Variants in CLCA1 observed in about 807,000 individuals in gnomAD.
CLCA1 encodes chloride channel accessory 1.
CLCA1 carries 59 observed loss-of-function variants against 85.6 expected under a neutral mutation model. The ratio of observed to expected loss-of-function variants is 0.69; its 90% confidence interval spans 0.56 to 0.86. The LOEUF (loss-of-function observed/expected upper bound fraction) is 0.86. CLCA1 is among the 40% of genes least tolerant of loss of function. CLCA1 has a pLI of 0.00. For synonymous variants in CLCA1, 396 were observed against 398.3 expected, an observed-to-expected ratio of 0.99 and a Z score of 0.07; for missense variants, 1,022 against 1,101.4, an observed-to-expected ratio of 0.93 and a Z score of 1.02.
Position 86,499,901 on chromosome 1 carries a change from T to C in CLCA1, c.2601T>C (p.Pro867=), listed in dbSNP as rs2101751649. The C allele has an allele frequency of 6.2e-7, 1 of 1,614,122 alleles. No homozygotes were observed. The highest frequency in any genetic ancestry group is 2.2e-5 in the East Asian group (1 of 44,878). The change falls in exon 14 of 14, where the codon CCT becomes CCC. Residue 867 remains proline, a synonymous_variant. Coordinates refer to ENST00000394711, the MANE Select transcript of CLCA1 (RefSeq NM_001285.4). The stretch of plus-strand genomic sequence containing the variant: ...TTGCACGAGTATCTTTGTTTATTCC[T>C]CCACAGACTCCGCCAGAGACACCTA... The part of the protein sequence containing the change: ...SNIARVSLFI[P]PQTPPETPSP...
In CLCA1 at chr1:86,473,763, G is replaced by T. The variant is rs763115333; in HGVS notation, c.338G>T (p.Gly113Val). The change falls in exon 3 of 14, where the codon GGT becomes GTT. Residue 113 changes from glycine to valine, a missense_variant. By Grantham distance (109) the Gly-to-Val change is moderately radical. Coordinates refer to ENST00000394711, the MANE Select transcript of CLCA1 (RefSeq NM_001285.4). Reference sequence around the variant, plus strand: ...CTGGTTGCTGAGTCTACTCCTCCAGGTAATGATGAACCCTACACTGAGCAG... The same window carrying T: ...CTGGTTGCTGAGTCTACTCCTCCAGTTAATGATGAACCCTACACTGAGCAG... ...DVLVAESTPPGNDEPYTEQMG... is the reference protein window; with the variant it reads ...DVLVAESTPPVNDEPYTEQMG... 1.2e-6 allele frequency: 2 copies of T among 1,600,102 alleles called. No homozygotes were observed. Among genetic ancestry groups the T allele is most frequent in the Non-Finnish European group, 8.5e-7 (1 of 1,173,012 alleles).
At chr1:86,475,019 G>A (rs1198982578) in intron 3 of CLCA1, among the ~76,000 whole-genome samples, 2 of 152,040 alleles carry the variant, frequency 1.3e-5, no homozygotes, top group African/African-American at 4.8e-5. Flanking sequence ...CTGGTCAAAA[G>A]GATGTGTCAA....
rs140953339 is a variant in CLCA1, at chr1:86,486,627, T to A, written c.1056T>A (p.Ala352=). ...TTGGGATGGTGACATTTGACAGTGC[T>A]GCCCATGTACAAAATGAACTCATAC... ...SWVGMVTFDS[A]AHVQNELIQI... The change falls in exon 7 of 14, where the codon GCT becomes GCA. Residue 352 remains alanine, a synonymous_variant. Transcript: ENST00000394711. The A allele has an allele frequency of 5.6e-6, 9 of 1,614,094 alleles. No homozygotes were observed. The highest frequency in any genetic ancestry group is 7.6e-6 in the Non-Finnish European group (9 of 1,180,042).
intron 3 of CLCA1, among the ~76,000 whole-genome samples, 173 bp from the exon 4 acceptor site, chr1:86,476,275 G>C (rs1317829820): frequency 6.6e-6 from 1 of 152,164 alleles, no homozygotes; most frequent in Non-Finnish European, 1.5e-5. Context: ...GCCAAAATAA[G>C]TATTTATATT....
intron 12 of CLCA1, among the ~76,000 whole-genome samples, chr1:86,497,969 C>T (rs1648337854): frequency 1.3e-5 from 2 of 152,018 alleles, no homozygotes; most frequent in African/African-American, 4.8e-5. Context: ...ATGGTGAAAC[C>T]CCATGTCTAC....
intron 3 of CLCA1, among the ~76,000 whole-genome samples, chr1:86,474,414 C>T (rs1647587550): frequency 1.3e-5 from 2 of 152,048 alleles, no homozygotes; most frequent in African/African-American, 2.4e-5. Context: ...ATTAGCCGGG[C>T]GTGGTGGCGG....
intron 10 of CLCA1, 139 bp from the exon 11 acceptor site, chr1:86,494,048 G>A: frequency 6.5e-6 from 6 of 921,508 alleles, no homozygotes; most frequent in Non-Finnish European, 9.7e-6. Context: ...GTGGCTGACA[G>A]AGTATCAAAC....
Position 86,494,254 on chromosome 1 carries a change from C to A in CLCA1, c.1748C>A (p.Ala583Glu), listed in dbSNP as rs775843453. 1.2e-6 allele frequency: 2 copies of A among 1,614,054 alleles called. No homozygotes were observed. Among genetic ancestry groups the A allele is most frequent in the Non-Finnish European group, 1.7e-6 (2 of 1,180,028 alleles). The stretch of plus-strand genomic sequence containing the variant: ...TTGACCCTGACTGTCACGTCCCGTG[C>A]GTCCAATGCTACCCTGCCTCCAATT... Reference protein sequence around the residue: ...QTLTLTVTSRASNATLPPITV... With the variant: ...QTLTLTVTSRESNATLPPITV... The change falls in exon 11 of 14, where the codon GCG (alanine) becomes GAG (glutamate). Residue 583 changes from alanine to glutamate, a missense_variant. Coordinates refer to ENST00000394711, the MANE Select transcript of CLCA1 (RefSeq NM_001285.4).
At chr1:86,471,972 C>G in intron 1 of CLCA1, among the ~76,000 whole-genome samples, 1 of 152,014 alleles carries the variant, frequency 6.6e-6, no homozygotes. Flanking sequence ...TCACTCTGGT[C>G]TGTTCCCGCA....
At chr1:86,498,536 G>T in intron 12 of CLCA1, 36 bp from the exon 13 acceptor site, 1 of 1,600,378 alleles carries the variant, frequency 6.2e-7, no homozygotes, top group Non-Finnish European at 8.5e-7. Flanking sequence ...ATTTAGTGAT[G>T]TTGCTTACCA....
rs111946999 is a variant in CLCA1, at chr1:86,493,125, C to T, written c.1465-259C>T. On this transcript the variant is annotated intron_variant, in intron 9 of 13. Coordinates refer to ENST00000394711, the MANE Select transcript of CLCA1 (RefSeq NM_001285.4). ...AGCCTTCTAGGAAAACTAAAGAGTA[C>T]GATAATAAAGTCAAAGAGTCAGGGA... Among the ~76,000 whole-genome samples, 804 of 150,468 alleles carry T rather than the reference C, an allele frequency of 5.3e-3. 5 individuals carry two copies. The highest frequency in any genetic ancestry group is 0.018 in the African/African-American group (724 of 40,788).
rs1648061244 is a variant in CLCA1 at position 86,488,933 on chromosome 1, A to G, written c.1183-63A>G. 6 of 1,415,084 alleles carry G rather than the reference A, an allele frequency of 4.2e-6. No homozygotes were observed. In the East Asian group the frequency reaches 1.4e-4, roughly 33 times the overall value. The allele number at this position is 1,415,084 out of a possible 1,614,324, so 87.7% of individuals were successfully genotyped here. On this transcript the variant is annotated intron_variant, in intron 7 of 13. Transcript: ENST00000394711. ...TTCTTTTCTCCTTTCCTGTAAGCAG[A>G]ATTTTCATAAACACTTTGGCCACCC...
At position 86,485,619 on chromosome 1, in the gene CLCA1, C is replaced by T. The variant is rs1647943300; in HGVS notation, c.954+58C>T. On this transcript the variant is annotated intron_variant, in intron 6 of 13. Coordinates refer to ENST00000394711, the MANE Select transcript of CLCA1 (RefSeq NM_001285.4). ...TGGTCACAGATATGCATGTTCTGGA[C>T]CCTGACTCGGAACTAGTTGCGAATA... The T allele has an allele frequency of 3.4e-6, 5 of 1,485,330 alleles. No individual in the cohort carries two copies. The South Asian group carries it at 5.7e-5, about 17-fold the overall frequency. 92.0% of individuals were successfully genotyped at this position (1,485,330 alleles called of 1,614,324 possible).
intron 2 of CLCA1, 74 bp from the exon 3 acceptor site, chr1:86,473,655 C>T: frequency 6.7e-7 from 1 of 1,497,956 alleles, no homozygotes; most frequent in Non-Finnish European, 9.1e-7. Context: ...TTGTTTGAAA[C>T]TTACTCCAGT....
rs116198015 is a variant in CLCA1 at position 86,474,736 on chromosome 1, A to G, written c.451+860A>G. Among the ~76,000 whole-genome samples, 537 of 152,338 alleles carry G rather than the reference A, an allele frequency of 3.5e-3. 1 individual carries two copies. Among genetic ancestry groups the G allele is most frequent in the African/African-American group, 0.012 (509 of 41,574 alleles). ...ACATGTAACTAAAGAAAAAACTCCA[A>G]TGATAAATAAACTTTATCATTTGTA... On this transcript the variant is annotated intron_variant, in intron 3 of 13. Transcript: ENST00000394711.
At chr1:86,482,409 C>A in intron 5 of CLCA1, 27 bp downstream of exon 5, 1 of 1,596,616 alleles carries the variant, frequency 6.3e-7, no homozygotes, top group Non-Finnish European at 8.5e-7. Context: ...CACCCCCTCC[C>A]CCAGATTCTT....
At chr1:86,496,274 T>G (rs1384139887) in intron 12 of CLCA1, among the ~76,000 whole-genome samples, 2 of 152,222 alleles carry the variant, frequency 1.3e-5, no homozygotes, top group Admixed American at 1.3e-4. Context: ...TTCCACAGAA[T>G]AAAAAAGTAA....
chr1:86,496,597 C>T (rs903901785), intron 12 of CLCA1, among the ~76,000 whole-genome samples: 11 of 152,170 alleles, frequency 7.2e-5, no homozygotes, highest in South Asian at 2.1e-4. Context: ...GGTTGGTGTG[C>T]GGGAAGGAGA....
chr1:86,469,228 C>T, intron 1 of CLCA1, 95 bp downstream of exon 1: 4 of 773,796 alleles, frequency 5.2e-6, no homozygotes, highest in Non-Finnish European at 5.9e-6. Flanking sequence ...ACGACACTGG[C>T]ATGTATTTTT....
Sources: allele counts gnomAD v4.1 joint callset (sites outside exome capture counted in the v4.1 genomes callset), GRCh38; gene constraint gnomAD v4.1.1; transcripts MANE v1.5; gene names NCBI Gene and HGNC (gene_info 2026-07-23, HGNC 2026-07-21).